The following OR2L3 variants were observed in gnomAD, a reference collection of about 807,000 sequenced individuals.
OR2L3 encodes olfactory receptor family 2 subfamily L member 3.
For missense variants in OR2L3, 369 were observed against 376.6 expected (o/e 0.98, Z 0.17); for synonymous variants, 131 against 139.1 (o/e 0.94, Z 0.41).
chr1:248,050,067 A>C (rs866007217), intron 1 of OR2L3, among the ~76,000 whole-genome samples: 2 of 152,164 alleles, frequency 1.3e-5, no homozygotes, highest in African/African-American at 4.8e-5. Flanking sequence ...GAATCCTGTG[A>C]CGTTCCAGGT....
chr1:248,051,746 G>A (rs1410681014), intron 1 of OR2L3, among the ~76,000 whole-genome samples: 1 of 151,650 alleles, frequency 6.6e-6, no homozygotes, highest in African/African-American at 2.4e-5. Flanking sequence ...ATCCAAAAAT[G>A]TCTGTTCAAG....
intron 1 of OR2L3, among the ~76,000 whole-genome samples, chr1:248,050,152 A>C (rs80082689): frequency 0.014 from 2,196 of 152,172 alleles, 34 homozygotes; most frequent in African/African-American, 0.049. Context: ...TTCAGGTTTC[A>C]GGTTTGTGGG....
chr1:248,054,501 A>G (rs1663370272), intron 1 of OR2L3, among the ~76,000 whole-genome samples: 1 of 152,104 alleles, frequency 6.6e-6, no homozygotes, highest in South Asian at 2.1e-4. Context: ...TATTTATTGG[A>G]ATAGCATTGT....
chr1:248,053,191 G>A (rs558001754), intron 1 of OR2L3, among the ~76,000 whole-genome samples: 9 of 152,234 alleles, frequency 5.9e-5, no homozygotes, highest in Admixed American at 2.6e-4. Flanking sequence ...ACTTATAAGC[G>A]AGAATATGCA....
rs1663697115 is a variant in OR2L3 at position 248,063,126 on chromosome 1, A to G, written c.*1506A>G. On this transcript the variant is annotated 3_prime_UTR_variant, in exon 2 of 2. Coordinates refer to ENST00000359959, the MANE Select transcript of OR2L3 (RefSeq NM_001004687.2). ...TCTTAAATAATGGTTTTTACTATTT[A>G]TGTGCAGAATGTCATTGGTATTTTG... is the stretch of plus-strand genomic sequence containing the variant. 6.6e-6 allele frequency: 1 copy of G among 152,198 alleles called. No individual in the cohort carries two copies. Among genetic ancestry groups the G allele is most frequent in the Non-Finnish European group, 1.5e-5 (1 of 68,030 alleles). The allele number at this position is 152,198 out of a possible 1,614,324, so 9.4% of individuals were successfully genotyped here.
intron 1 of OR2L3, among the ~76,000 whole-genome samples, chr1:248,048,271 C>T (rs1349757054): frequency 6.6e-6 from 1 of 152,188 alleles, no homozygotes; most frequent in African/African-American, 2.4e-5. Flanking sequence ...TACTCCTTTA[C>T]ACCTTAAAGA....
chr1:248,048,049 G>A (rs756115056), intron 1 of OR2L3, among the ~76,000 whole-genome samples: 4 of 152,110 alleles, frequency 2.6e-5, no homozygotes, highest in Admixed American at 6.6e-5. Context: ...AACTTACAGC[G>A]TGAAGCAGAG....
chr1:248,050,537 A>C (rs542110851), intron 1 of OR2L3, among the ~76,000 whole-genome samples: 1 of 152,238 alleles, frequency 6.6e-6, no homozygotes, highest in South Asian at 2.1e-4. Context: ...TAATAAAAAG[A>C]TGATACATTG....
intron 1 of OR2L3, among the ~76,000 whole-genome samples, chr1:248,059,306 T>C (rs188599188): frequency 6.6e-4 from 101 of 152,362 alleles, no homozygotes; most frequent in African/African-American, 2.3e-3. Flanking sequence ...ATGTCTTCTA[T>C]CTGGAGTAGA....
chr1:248,053,450 A>T (rs954786653), intron 1 of OR2L3, among the ~76,000 whole-genome samples: 1 of 152,222 alleles, frequency 6.6e-6, no homozygotes, highest in Non-Finnish European at 1.5e-5. Context: ...AATAATTTAT[A>T]TTCCTTTGGG....
At position 248,061,480 on chromosome 1, in the gene OR2L3, C is replaced by T. The variant is rs778172667; in HGVS notation, c.799C>T (p.Pro267Ser). 6.2e-7 allele frequency: 1 copy of T among 1,614,000 alleles called. No homozygotes were observed. The highest frequency in any genetic ancestry group is 1.1e-5 in the South Asian group (1 of 91,076). The change falls in exon 2 of 2, where the codon CCA (proline) becomes TCA (serine). Residue 267 changes from proline to serine, a missense_variant. Transcript: ENST00000359959. ...TYLRPRSLRS[P>S]TEDKVLAVFY... ...TCTACGTCCAAGATCCCTGCGATCT[C>T]CAACAGAGGACAAGGTTCTGGCTGT...
intron 1 of OR2L3, among the ~76,000 whole-genome samples, chr1:248,051,742 A>G (rs1663269862): frequency 6.6e-6 from 1 of 151,970 alleles, no homozygotes; most frequent in Admixed American, 6.5e-5. Context: ...AAAAATCCAA[A>G]AATGTCTGTT....
intron 1 of OR2L3, among the ~76,000 whole-genome samples, chr1:248,059,743 A>C (rs1335557752): frequency 2.6e-5 from 4 of 152,190 alleles, no homozygotes; most frequent in Admixed American, 2.0e-4. Context: ...TTTAGAAGTA[A>C]ATCTGGCAGA....
At position 248,062,024 on chromosome 1, in the gene OR2L3, C is replaced by T. The variant is rs1325272075; in HGVS notation, c.*404C>T. 1 of 163,306 alleles carries T rather than the reference C, an allele frequency of 6.1e-6. No individual in the cohort carries two copies. The highest frequency in any genetic ancestry group is 1.3e-5 in the Non-Finnish European group (1 of 74,310). The allele number at this position is 163,306 out of a possible 1,614,324, so 10.1% of individuals were successfully genotyped here. ...CTAAAACAAAACAAAAAATAAGTCT[C>T]TTGACTTGGTGTATCTAGTTGAAAG... is the stretch of plus-strand genomic sequence containing the variant. On this transcript the variant is annotated 3_prime_UTR_variant, in exon 2 of 2. Coordinates refer to ENST00000359959, the MANE Select transcript of OR2L3 (RefSeq NM_001004687.2).
chr1:248,054,593 T>G (rs73145245), intron 1 of OR2L3, among the ~76,000 whole-genome samples: 9,565 of 152,264 alleles, frequency 0.063, 332 homozygotes, highest in East Asian at 0.11. Context: ...TTTTTCCCTC[T>G]GCTTGTGTCC....
chr1:248,061,181 A>C lies in OR2L3; in HGVS notation c.500A>C (p.Tyr167Ser). 1 of 1,612,750 alleles carries C rather than the reference A, an allele frequency of 6.2e-7. No individual in the cohort carries two copies. Among genetic ancestry groups the C allele is most frequent in the Non-Finnish European group, 8.5e-7 (1 of 1,179,588 alleles). ...ACTGTATATGTACTCCATATTCCTT[A>C]TTGCCAATCCAGGGCCATCAATCAT... ...AHTVYVLHIP[Y>S]CQSRAINHFF... The change falls in exon 2 of 2, where the codon TAT (tyrosine) becomes TCT (serine). Residue 167 changes from tyrosine (Y) to serine (S), a missense_variant. Tyr to Ser is a moderately radical substitution (Grantham distance 144). Transcript: ENST00000359959.
rs1470294633 is a variant in OR2L3 at position 248,061,419 on chromosome 1, A to G, written c.738A>G (p.Val246=). 1.2e-6 allele frequency: 2 copies of G among 1,613,978 alleles called. No individual in the cohort carries two copies. Among genetic ancestry groups the G allele is most frequent in the Non-Finnish European group, 1.7e-6 (2 of 1,180,012 alleles). Residue 246 remains valine (V), a synonymous_variant, in exon 2 of 2, where the codon GTA becomes GTG. Transcript: ENST00000359959. The part of the protein sequence containing the change: ...AYLTCSTHLT[V]VTFYYAPFVY... ...TGACCTGCAGCACCCACCTCACTGT[A>G]GTAACTTTCTACTATGCACCTTTTG...
intron 1 of OR2L3, among the ~76,000 whole-genome samples, chr1:248,053,516 T>G (rs6657389): frequency 0.85 from 129,053 of 152,196 alleles, 56,363 homozygotes; most frequent in South Asian, 0.95. Context: ...TCTAAGTCTT[T>G]GAGGAATTGC....
chr1:248,048,324 TAC>T (rs1663146892), intron 1 of OR2L3, among the ~76,000 whole-genome samples: 1 of 152,228 alleles, frequency 6.6e-6, no homozygotes, highest in African/African-American at 2.4e-5. Context: ...CAATTACAAA[TAC>T]ACATTGTGTA....
Sources: allele counts gnomAD v4.1 joint callset (sites outside exome capture counted in the v4.1 genomes callset), GRCh38; gene constraint gnomAD v4.1.1; transcripts MANE v1.5; gene names NCBI Gene and HGNC (gene_info 2026-07-23, HGNC 2026-07-21).